NLRC3: variants seen among roughly 807,000 people sequenced by gnomAD.
NLRC3 encodes NLR family CARD domain containing 3, also known as NLR family CARD domain-containing protein 3.
In NLRC3, 87 loss-of-function variants were observed where a neutral mutation model predicts 91.6. The observed-to-expected ratio is 0.95, with a 90% CI of 0.80 to 1.14. The LOEUF (loss-of-function observed/expected upper bound fraction) is 1.14, where lower values mean the gene tolerates loss of function less well. Ranked by LOEUF, NLRC3 falls within the 50% of genes most tolerant of loss-of-function variation. The pLI is 0.00. For synonymous variants in NLRC3, 694 were observed against 625.3 expected, an observed-to-expected ratio of 1.11 and a Z score of -1.64; for missense variants, 1,577 against 1,418.6, an observed-to-expected ratio of 1.11 and a Z score of -1.79.
At chr16:3,573,904 G>C (rs1010730026) in intron 1 of NLRC3, among the ~76,000 whole-genome samples, 1 of 150,028 alleles carries the variant, frequency 6.7e-6, no homozygotes, top group Non-Finnish European at 1.5e-5. Context: ...CTGCAGCCTC[G>C]ACCTCCTGGG....
At chr16:3,557,732 C>T (rs1181755526) in intron 6 of NLRC3, 56 bp from the exon 7 acceptor site, 1 of 1,082,950 alleles carries the variant, frequency 9.2e-7, no homozygotes, top group African/African-American at 1.5e-5. Context: ...CTCATGGCCT[C>T]TTCCTCAACG....
chr16:3,552,976 C>G (rs147854407), intron 9 of NLRC3, among the ~76,000 whole-genome samples: 7 of 152,196 alleles, frequency 4.6e-5, no homozygotes, highest in African/African-American at 1.7e-4. Flanking sequence ...TAGGAAGACC[C>G]TGGCTTAGGT....
intron 1 of NLRC3, among the ~76,000 whole-genome samples, chr16:3,575,220 G>GC (rs1291871567): frequency 6.6e-6 from 1 of 152,140 alleles, no homozygotes; most frequent in African/African-American, 2.4e-5. Context: ...CAACCCCCCT[G>GC]CCATTGCCAG....
rs1376792454 is a variant in NLRC3 at position 3,561,865 on chromosome 16, CCT to C, written c.1929-79_1929-78del. On this transcript the variant is annotated intron_variant, in intron 5 of 19. Transcript: ENST00000359128. ...TGGGGGCCCTGGCCCGGGGCCTCTG[CCT>C]CTCTCCATCCCATGCAGCGCTATCA... 27 of 978,376 alleles carry C rather than the reference CCT, an allele frequency of 2.8e-5. No individual in the cohort carries two copies. In the East Asian group the frequency reaches 5.5e-4, roughly 20 times the overall value. 60.6% of individuals were successfully genotyped at this position (978,376 alleles called of 1,614,324 possible).
intron 10 of NLRC3, among the ~76,000 whole-genome samples, chr16:3,550,998 C>T (rs1038012796): frequency 9.2e-5 from 14 of 152,048 alleles, no homozygotes; most frequent in African/African-American, 2.7e-4. Context: ...TCCATCCATT[C>T]GTCCATCCAT....
chr16:3,560,410 G>A (rs2039553546), intron 6 of NLRC3, among the ~76,000 whole-genome samples: 3 of 151,672 alleles, frequency 2.0e-5, no homozygotes, highest in Admixed American at 2.0e-4. Flanking sequence ...CCAACACAGG[G>A]AGACTCCGTC....
rs779621762 is a variant in NLRC3, at chr16:3,563,632, G to A, written c.1305C>T (p.Cys435=). 20 of 1,612,248 alleles carry A rather than the reference G, an allele frequency of 1.2e-5. No individual in the cohort carries two copies. The South Asian group carries it at 2.0e-4, about 16-fold the overall frequency. ...TCTCCTCTCTCTGCAGGAAGCAGCT[G>A]CACGGGGCGCCCTGCAGCAGAGCGA... ...VDLALLQGAP[C]SCFLQREETL... is the part of the protein sequence containing the mutation. Residue 435 remains cysteine, a synonymous_variant, in exon 5 of 20, where the codon TGC becomes TGT. Coordinates refer to ENST00000359128, the MANE Select transcript of NLRC3 (RefSeq NM_178844.4).
In NLRC3 at chr16:3,563,025, A is replaced by G; in HGVS notation, c.1912T>C (p.Tyr638His). ...GGTATCCACCTGAGCTTCCGGCAGT[A>G]GAGCAGCTGGGGCAGCAGGCTCTGA... The part of the protein sequence containing the change: ...VLQSLLPQLL[Y>H]CRKLRLDTNQ... The change falls in exon 5 of 20, where the codon TAC (tyrosine) becomes CAC (histidine). Residue 638 changes from tyrosine to histidine, a missense_variant. By Grantham distance (83) the Tyr-to-His change is moderately conservative. Coordinates refer to ENST00000359128, the MANE Select transcript of NLRC3 (RefSeq NM_178844.4). 1 of 1,554,804 alleles carries G rather than the reference A, an allele frequency of 6.4e-7. No individual in the cohort carries two copies. Among genetic ancestry groups the G allele is most frequent in the Non-Finnish European group, 8.7e-7 (1 of 1,149,712 alleles).
In NLRC3 at chr16:3,561,571, C is replaced by T. The variant is rs549720039; in HGVS notation, c.2015+131G>A. On this transcript the variant is annotated intron_variant, in intron 6 of 19. Coordinates refer to ENST00000359128, the MANE Select transcript of NLRC3 (RefSeq NM_178844.4). ...TTGGGCAGAAACAAGCAGGCTGCAT[C>T]TGGAGCCACATGCTCCAAAGACACT... 4.8e-6 allele frequency: 3 copies of T among 627,384 alleles called. No individual in the cohort carries two copies. In the African/African-American group the frequency reaches 5.5e-5, roughly 11 times the overall value. 38.9% of individuals were successfully genotyped at this position (627,384 alleles called of 1,614,324 possible).
At position 3,564,104 on chromosome 16, in the gene NLRC3, C is replaced by A. The variant is rs2039756725; in HGVS notation, c.833G>T (p.Gly278Val). 2.5e-6 allele frequency: 4 copies of A among 1,613,464 alleles called. No homozygotes were observed. Among genetic ancestry groups the A allele is most frequent in the South Asian group, 1.1e-5 (1 of 91,086 alleles). Residue 278 changes from glycine (G) to valine (V), a missense_variant, in exon 5 of 20, where the codon GGC becomes GTC. Coordinates refer to ENST00000359128, the MANE Select transcript of NLRC3 (RefSeq NM_178844.4). The surrounding 1 kb of genome is among the most constrained non-coding windows in gnomAD (Gnocchi z 5.9). ...GATCTCCGTCATCCGGTCCACCAGGCCCCCTGGGATCTGGCCAGATGCACT... is the reference window on the plus strand; with the variant it reads ...GATCTCCGTCATCCGGTCCACCAGGACCCCTGGGATCTGGCCAGATGCACT... ...RPSASGQIPG[G>V]LVDRMTEIRG...
At chr16:3,549,545 C>G (rs867967980) in intron 12 of NLRC3, among the ~76,000 whole-genome samples, 152 bp downstream of exon 12, 1 of 152,204 alleles carries the variant, frequency 6.6e-6, no homozygotes, top group South Asian at 2.1e-4. Context: ...CAGCTATCCC[C>G]TGCACCCCAA....
intron 13 of NLRC3, 52 bp from the exon 14 acceptor site, chr16:3,548,805 C>G: frequency 7.7e-7 from 1 of 1,301,698 alleles, no homozygotes; most frequent in Non-Finnish European, 1.1e-6. Flanking sequence ...TGTGAAGCCT[C>G]CGGTCCTTGG....
chr16:3,542,582 T>G, intron 18 of NLRC3, 110 bp downstream of exon 18: 1 of 692,408 alleles, frequency 1.4e-6, no homozygotes, highest in Non-Finnish European at 2.5e-6. Flanking sequence ...TTGTTTATAT[T>G]CAGAAGGAAA....
In NLRC3 at chr16:3,541,709, T is replaced by G. The variant is rs902437660; in HGVS notation, c.*116A>C. 1.7e-5 allele frequency: 12 copies of G among 702,680 alleles called. No individual in the cohort carries two copies. Among genetic ancestry groups the G allele is most frequent in the South Asian group, 1.4e-4 (8 of 59,040 alleles). The allele number at this position is 702,680 out of a possible 1,614,324, so 43.5% of individuals were successfully genotyped here. A position where few individuals can be genotyped will look rare whatever the true frequency, so the allele number is the denominator to read the frequency against. The stretch of plus-strand genomic sequence containing the variant: ...CTCCTTCCTCCCTGCAGAGCCCGGC[T>G]CTCGTGCTGAGCAAGCAGCGTTCCC... On this transcript the variant is annotated 3_prime_UTR_variant, in exon 20 of 20. Coordinates refer to ENST00000359128, the MANE Select transcript of NLRC3 (RefSeq NM_178844.4).
At chr16:3,571,943 AAAT>A (rs896127024) in intron 1 of NLRC3, among the ~76,000 whole-genome samples, 6 of 151,642 alleles carry the variant, frequency 4.0e-5, no homozygotes, top group Admixed American at 6.6e-5. Flanking sequence ...CCATCTCAAA[AAAT>A]AATAATAATA....
Position 3,564,550 on chromosome 16 carries a change from C to G in NLRC3, c.387G>C (p.Leu129=). 6.2e-7 allele frequency: 1 copy of G among 1,611,874 alleles called. No homozygotes were observed. The highest frequency in any genetic ancestry group is 8.5e-7 in the Non-Finnish European group (1 of 1,179,570). The change falls in exon 5 of 20, where the codon CTG becomes CTC. Residue 129 remains leucine (L), a synonymous_variant. Transcript: ENST00000359128. The surrounding 1 kb of genome is among the most constrained non-coding windows in gnomAD (Gnocchi z 5.9). ...ARTVALDRLF[L]PLSRVSVPPR... is the part of the protein sequence containing the mutation. The stretch of plus-strand genomic sequence containing the variant: ...GTGGGACAGACACCCGGGAGAGAGG[C>G]AGGAAGAGCCGGTCCAGGGCGACGG...
intron 13 of NLRC3, 68 bp from the exon 14 acceptor site, chr16:3,548,821 A>G (rs2038838089): frequency 1.8e-6 from 2 of 1,087,204 alleles, no homozygotes; most frequent in African/African-American, 1.6e-5. Context: ...CTTGGTCACC[A>G]GGGATTCCAG....
At chr16:3,568,482 G>C (rs887006488) in intron 1 of NLRC3, among the ~76,000 whole-genome samples, 1 of 152,196 alleles carries the variant, frequency 6.6e-6, no homozygotes, top group African/African-American at 2.4e-5. Flanking sequence ...CCAGCACTTT[G>C]GGAGGCTGAG....
intron 15 of NLRC3, 49 bp from the exon 16 acceptor site, chr16:3,544,378 T>C: frequency 1.5e-6 from 2 of 1,334,554 alleles, no homozygotes; most frequent in Non-Finnish European, 2.2e-6. Context: ...CAGGGAGCAT[T>C]CTAGCAAGGC....
Sources: allele counts gnomAD v4.1 joint callset (sites outside exome capture counted in the v4.1 genomes callset), GRCh38; gene constraint gnomAD v4.1.1; non-coding constraint Gnocchi (gnomAD v3.1); transcripts MANE v1.5; gene names NCBI Gene and HGNC (gene_info 2026-07-23, HGNC 2026-07-21).